Variants in DAPK1 observed in about 807,000 individuals in gnomAD.
DAPK1 encodes the protein death-associated protein kinase 1.
Under a neutral mutation model 144.9 loss-of-function variants are expected in DAPK1, and 56 were observed. That is an observed-to-expected ratio of 0.39 (90% CI 0.31 to 0.48). The LOEUF is 0.48. DAPK1 is among the 20% of genes least tolerant of loss of function. The pLI is 0.95. For missense variants in DAPK1, 1,454 were observed against 1,875.4 expected (o/e 0.78, Z 4.15); for synonymous variants, 690 against 749.0 (o/e 0.92, Z 1.29).
chr9:87,617,772 C>A (rs560249155), intron 3 of DAPK1, among the ~76,000 whole-genome samples: 1 of 152,174 alleles, frequency 6.6e-6, no homozygotes, highest in Non-Finnish European at 1.5e-5. Context: ...TCCTCCAAGA[C>A]GGGTCTCCCC....
Position 87,707,205 on chromosome 9 carries a change from C to T in DAPK1, c.4134C>T (p.Ser1378=). 6.2e-7 allele frequency: 1 copy of T among 1,614,184 alleles called. No homozygotes were observed. Among genetic ancestry groups the T allele is most frequent in the Non-Finnish European group, 8.5e-7 (1 of 1,180,018 alleles). ...YPESTVGTLM[S]KLRELGRRDA... is the part of the protein sequence containing the mutation. The stretch of plus-strand genomic sequence containing the variant: ...AGAGCACAGTGGGCACCCTCATGTC[C>T]AAACTGAGGGAGCTGGGTCGCCGGG... Residue 1378 remains serine (S), a synonymous_variant, in exon 26 of 26, where the codon TCC becomes TCT. Coordinates refer to ENST00000408954, the MANE Select transcript of DAPK1 (RefSeq NM_004938.4). This position sits in a 1 kb window ranked among gnomAD's most constrained non-coding sequence, Gnocchi z 4.0.
chr9:87,519,854 T>A (rs1264003153), intron 2 of DAPK1, among the ~76,000 whole-genome samples: 1 of 152,152 alleles, frequency 6.6e-6, no homozygotes, highest in Non-Finnish European at 1.5e-5. Context: ...AGCCATGGGA[T>A]GCTGAGAGAA....
At chr9:87,571,476 A>ACACACCCCAACACACAC (rs771023885) in intron 2 of DAPK1, among the ~76,000 whole-genome samples, 8 of 48,556 alleles carry the variant, frequency 1.6e-4, no homozygotes, top group Admixed American at 2.4e-4. Context: ...CACACACACC[A>ACACACCCCAACACACAC]ACACACACAC....
At chr9:87,633,040 G>A (rs1829766065) in intron 3 of DAPK1, 1 of 980,642 alleles carries the variant, frequency 1.0e-6, no homozygotes, top group Non-Finnish European at 1.2e-6. Context: ...AGGGATGAAG[G>A]AGGATGAGTA....
In DAPK1 at chr9:87,707,490, C is replaced by T. The variant is rs1018206101; in HGVS notation, c.*126C>T. On this transcript the variant is annotated 3_prime_UTR_variant, in exon 26 of 26. Transcript: ENST00000408954. This position sits in a 1 kb window ranked among gnomAD's most constrained non-coding sequence, Gnocchi z 4.0. ...CACCCACAGCCAGGGGGATGCCACT[C>T]CTCCCTCCGGCTTGACCTGTTTCTC... 7.7e-6 allele frequency: 5 copies of T among 648,436 alleles called. No individual in the cohort carries two copies. In the Admixed American group the frequency reaches 1.4e-4, roughly 19 times the overall value. The allele number at this position is 648,436 out of a possible 1,614,324, so 40.2% of individuals were successfully genotyped here. A position where few individuals can be genotyped will look rare whatever the true frequency, so the allele number is the denominator to read the frequency against.
At chr9:87,507,502 G>A (rs1336066305) in intron 2 of DAPK1, among the ~76,000 whole-genome samples, 1 of 152,224 alleles carries the variant, frequency 6.6e-6, no homozygotes, top group Non-Finnish European at 1.5e-5. Flanking sequence ...ACCGCATCTG[G>A]TGTTCACGGG....
intron 2 of DAPK1, among the ~76,000 whole-genome samples, chr9:87,550,915 T>C (rs36231971): frequency 6.4e-4 from 98 of 152,292 alleles, no homozygotes; most frequent in African/African-American, 2.3e-3. Flanking sequence ...TCTGTGGACG[T>C]GTGCTTTTAT....
At chr9:87,564,114 TG>T (rs1239485039) in intron 2 of DAPK1, among the ~76,000 whole-genome samples, 2 of 152,262 alleles carry the variant, frequency 1.3e-5, no homozygotes, top group Non-Finnish European at 2.9e-5. Context: ...TCTCTGTTAC[TG>T]GCACTTTACT....
intron 2 of DAPK1, among the ~76,000 whole-genome samples, chr9:87,584,996 T>A (rs1827897762): frequency 6.6e-6 from 1 of 152,114 alleles, no homozygotes; most frequent in South Asian, 2.1e-4. Context: ...CTTTTGAGAG[T>A]TGTCTGTTAA....
At chr9:87,616,098 G>T (rs1031237893) in intron 3 of DAPK1, among the ~76,000 whole-genome samples, 1 of 152,234 alleles carries the variant, frequency 6.6e-6, no homozygotes, top group African/African-American at 2.4e-5. Context: ...GCCTCCCAGG[G>T]CCCCTCACCT....
intron 23 of DAPK1, 100 bp from the exon 24 acceptor site, chr9:87,700,017 C>T: frequency 2.1e-6 from 2 of 950,268 alleles, no homozygotes; most frequent in Non-Finnish European, 3.3e-6. Flanking sequence ...AACTTTCCTT[C>T]CCTCCTACCA....
intron 16 of DAPK1, 54 bp downstream of exon 16, chr9:87,650,172 G>A (rs1208864434): frequency 6.3e-7 from 1 of 1,575,724 alleles, no homozygotes; most frequent in African/African-American, 1.3e-5. Flanking sequence ...GGGGTCTAGA[G>A]GGACCACAAG....
chr9:87,553,946 A>G (rs1359451260), intron 2 of DAPK1: 1 of 152,226 alleles, frequency 6.6e-6, no homozygotes, highest in Non-Finnish European at 1.5e-5. Context: ...TCACTAGAAC[A>G]ACAAAAGGGA....
intron 2 of DAPK1, chr9:87,499,413 A>G (rs1163940913): frequency 6.5e-6 from 3 of 458,712 alleles, no homozygotes; most frequent in Non-Finnish European, 1.2e-5. Flanking sequence ...GTCCGTGCTA[A>G]CTCTTGTCAG....
rs777977317 is a variant in DAPK1, at chr9:87,587,056, T to C, written c.63-17898T>C. Among the ~76,000 whole-genome samples, 52 of 151,154 alleles carry C rather than the reference T, an allele frequency of 3.4e-4. 1 individual carries two copies. Among genetic ancestry groups the C allele is most frequent in the Non-Finnish European group, 8.8e-5 (6 of 68,048 alleles). ...ATATCCTTAGCAAGATCAAACTCCT[T>C]CTTCTCCCTCACCTAAAGGTGAGAT... On this transcript the variant is annotated intron_variant, in intron 2 of 25. Coordinates refer to ENST00000408954, the MANE Select transcript of DAPK1 (RefSeq NM_004938.4).
chr9:87,576,062 G>C (rs546928962), intron 2 of DAPK1, among the ~76,000 whole-genome samples: 1 of 152,248 alleles, frequency 6.6e-6, no homozygotes, highest in Admixed American at 6.5e-5. Flanking sequence ...CAGGTTAGCG[G>C]TAGTCAGATG....
chr9:87,573,843 T>G (rs1008401610), intron 2 of DAPK1, among the ~76,000 whole-genome samples: 6 of 152,252 alleles, frequency 3.9e-5, no homozygotes, highest in African/African-American at 1.4e-4. Flanking sequence ...TTTTGAAGGT[T>G]TCTTTAGAGA....
intron 2 of DAPK1, among the ~76,000 whole-genome samples, chr9:87,537,400 G>A (rs539225923): frequency 6.6e-6 from 1 of 152,228 alleles, no homozygotes; most frequent in Admixed American, 6.5e-5. Flanking sequence ...ATGGGGAGAT[G>A]TTTCTGGGTA....
chr9:87,560,208 G>A (rs1046108136), intron 2 of DAPK1, among the ~76,000 whole-genome samples: 1 of 151,540 alleles, frequency 6.6e-6, no homozygotes, highest in Non-Finnish European at 1.5e-5. Flanking sequence ...GTTGACCAGG[G>A]TGGTCTAGAA....
Sources: gnomAD v4.1 joint callset for allele counts (sites outside exome capture counted in the v4.1 genomes callset) on GRCh38, gnomAD v4.1.1 for gene constraint, Gnocchi (gnomAD v3.1) non-coding constraint, MANE v1.5 for transcripts, NCBI Gene and HGNC (gene_info 2026-07-23, HGNC 2026-07-21) for gene names.